The following GTF2F2 variants were observed in gnomAD, a reference collection of about 807,000 sequenced individuals.
GTF2F2 encodes general transcription factor IIF subunit 2, also known as ATP-dependent helicase GTF2F2.
In GTF2F2, 23 loss-of-function variants were observed where a neutral mutation model predicts 42.2. The observed-to-expected ratio is 0.55, with a 90% confidence interval of 0.39 to 0.77. GTF2F2 has a LOEUF of 0.77. Ranked by LOEUF, GTF2F2 falls within the 30% of genes least tolerant of loss-of-function variation. The pLI is 0.00. For missense variants in GTF2F2, 261 were observed against 287.2 expected (o/e 0.91, Z 0.66); for synonymous variants, 105 against 100.8 (o/e 1.04, Z -0.25).
chr13:45,266,661 C>T (rs1876572863), intron 6 of GTF2F2, among the ~76,000 whole-genome samples: 1 of 152,088 alleles, frequency 6.6e-6, no homozygotes, highest in Non-Finnish European at 1.5e-5. Context: ...TGGCAAAAGG[C>T]CTTTTTGGGG....
chr13:45,190,658 G>A (rs1056149277), intron 4 of GTF2F2, among the ~76,000 whole-genome samples: 3 of 152,126 alleles, frequency 2.0e-5, no homozygotes, highest in Non-Finnish European at 2.9e-5. Context: ...ATGGTATCCG[G>A]CATATAGTAA....
chr13:45,178,957 C>A (rs1240292960), intron 4 of GTF2F2, among the ~76,000 whole-genome samples: 1 of 152,138 alleles, frequency 6.6e-6, no homozygotes, highest in African/African-American at 2.4e-5. Flanking sequence ...GGTTGGGGTA[C>A]CTTTGCTCTG....
intron 1 of GTF2F2, among the ~76,000 whole-genome samples, chr13:45,135,358 C>G (rs1869563901): frequency 6.6e-6 from 1 of 152,160 alleles, no homozygotes; most frequent in Admixed American, 6.5e-5. Flanking sequence ...CTCCCAGGTT[C>G]AAGCAAGTCT....
intron 4 of GTF2F2, among the ~76,000 whole-genome samples, chr13:45,167,993 C>T (rs1263813482): frequency 6.6e-6 from 1 of 152,190 alleles, no homozygotes; most frequent in Non-Finnish European, 1.5e-5. Context: ...TATAGCTATG[C>T]AGAACTTAAT....
At chr13:45,226,588 A>T (rs1874367060) in intron 5 of GTF2F2, among the ~76,000 whole-genome samples, 1 of 152,106 alleles carries the variant, frequency 6.6e-6, no homozygotes, top group Non-Finnish European at 1.5e-5. Flanking sequence ...TTCTGTTTAA[A>T]TGTTTTTCTT....
chr13:45,126,898 G>C (rs139068538), intron 1 of GTF2F2, among the ~76,000 whole-genome samples: 33 of 152,264 alleles, frequency 2.2e-4, no homozygotes, highest in African/African-American at 7.9e-4. Context: ...CTCTGGTATT[G>C]GGAAATCTAA....
At chr13:45,134,527 A>G (rs371893139) in intron 1 of GTF2F2, among the ~76,000 whole-genome samples, 3 of 152,190 alleles carry the variant, frequency 2.0e-5, no homozygotes, top group South Asian at 4.1e-4. Flanking sequence ...TATTTGGCAC[A>G]TGAAATCCTC....
intron 5 of GTF2F2, among the ~76,000 whole-genome samples, chr13:45,226,738 T>C (rs1874376502): frequency 6.6e-6 from 1 of 152,214 alleles, no homozygotes; most frequent in Non-Finnish European, 1.5e-5. Flanking sequence ...GAATATTTAA[T>C]CTTCCCATTC....
chr13:45,133,144 T>G (rs946974205), intron 1 of GTF2F2, among the ~76,000 whole-genome samples: 3 of 152,064 alleles, frequency 2.0e-5, no homozygotes, highest in Non-Finnish European at 2.9e-5. Context: ...CAGAGGAAGA[T>G]GGGGCAAGGG....
At chr13:45,267,163 AG>A in intron 6 of GTF2F2, 69 bp from the exon 7 acceptor site, 7 of 1,299,064 alleles carry the variant, frequency 5.4e-6, no homozygotes, top group Admixed American at 2.2e-5. Flanking sequence ...AAAAAAAAAA[AG>A]AGAATGCCTG....
At chr13:45,128,830 T>G (rs74788740) in intron 1 of GTF2F2, among the ~76,000 whole-genome samples, 7,901 of 152,086 alleles carry the variant, frequency 0.052, 319 homozygotes, top group Non-Finnish European at 0.083. Flanking sequence ...CTGGCTCAAG[T>G]GATCCTCCCT....
At position 45,240,438 on chromosome 13, in the gene GTF2F2, T is replaced by C. The variant is rs139073588; in HGVS notation, c.387-12433T>C. 6.2e-3 allele frequency among the ~76,000 whole-genome samples: 943 copies of C among 152,308 alleles called. 11 individuals carry two copies. Among genetic ancestry groups the C allele is most frequent in the African/African-American group, 0.022 (901 of 41,572 alleles). On this transcript the variant is annotated intron_variant, in intron 5 of 7. Coordinates refer to ENST00000340473, the MANE Select transcript of GTF2F2 (RefSeq NM_004128.3). Reference sequence around the variant, plus strand: ...TAGCTAGTGTATGTTTTTTTGGTTTTGAAAGGGTTTTCTGTTGGTTTGGTT... The same window carrying C: ...TAGCTAGTGTATGTTTTTTTGGTTTCGAAAGGGTTTTCTGTTGGTTTGGTT...
intron 4 of GTF2F2, among the ~76,000 whole-genome samples, chr13:45,168,910 CCTTCCT>C (rs1871451386): frequency 3.1e-5 from 3 of 96,344 alleles, no homozygotes; most frequent in Admixed American, 2.0e-4. Context: ...CCTCCCTCCT[CCTTCCT>C]TCCCTCCCTC....
intron 4 of GTF2F2, among the ~76,000 whole-genome samples, chr13:45,195,244 A>T (rs959510159): frequency 1.3e-5 from 2 of 152,024 alleles, no homozygotes; most frequent in East Asian, 1.9e-4. Context: ...GATGTTAAGA[A>T]TTTTTTTTAT....
chr13:45,219,952 A>G lies in GTF2F2; in HGVS notation c.386+12447A>G, dbSNP rs1264799016. On this transcript the variant is annotated intron_variant, in intron 5 of 7. Transcript: ENST00000340473. ...AGAAAAACGGGAAAGGATGACATAT[A>G]TGGGCGTGGTGAGGTTACATAAAAC... 6.6e-5 allele frequency among the ~76,000 whole-genome samples: 10 copies of G among 152,338 alleles called. No homozygotes were observed. In the South Asian group the frequency reaches 2.1e-3, roughly 32 times the overall value.
intron 6 of GTF2F2, among the ~76,000 whole-genome samples, chr13:45,254,010 C>G (rs1033803878): frequency 6.7e-6 from 1 of 149,172 alleles, no homozygotes; most frequent in Non-Finnish European, 1.5e-5. Flanking sequence ...TGCAGTGAGC[C>G]GAGATCACGC....
At chr13:45,195,315 A>G (rs973025969) in intron 4 of GTF2F2, among the ~76,000 whole-genome samples, 3 of 151,982 alleles carry the variant, frequency 2.0e-5, no homozygotes, top group African/African-American at 4.8e-5. Flanking sequence ...TAGGCTTTAC[A>G]GTAATCACTT....
chr13:45,191,224 A>AAATATATATATAT, intron 4 of GTF2F2, among the ~76,000 whole-genome samples: 11 of 75,314 alleles, frequency 1.5e-4, no homozygotes, highest in African/African-American at 1.1e-3. Context: ...ACAAAAAAAA[A>AAATATATATATAT]ATATATATAT....
chr13:45,222,886 T>C (rs1874175386), intron 5 of GTF2F2, among the ~76,000 whole-genome samples: 1 of 152,232 alleles, frequency 6.6e-6, no homozygotes, highest in Non-Finnish European at 1.5e-5. Flanking sequence ...CTGGGCACGG[T>C]GGCTCACGCC....
Sources: gnomAD v4.1 joint callset for allele counts (sites outside exome capture counted in the v4.1 genomes callset) on GRCh38, gnomAD v4.1.1 for gene constraint, MANE v1.5 for transcripts, NCBI Gene and HGNC (gene_info 2026-07-23, HGNC 2026-07-21) for gene names.